FHIT: variants seen among roughly 807,000 people sequenced by gnomAD.
FHIT encodes bis(5'-adenosyl)-triphosphatase.
In FHIT, 19 loss-of-function variants were observed where a neutral mutation model predicts 17.9. The ratio of observed to expected loss-of-function variants is 1.06; its 90% CI spans 0.74 to 1.56. The LOEUF (loss-of-function observed/expected upper bound fraction) is 1.56, where lower values mean the gene tolerates loss of function less well. Among genes scored for constraint, FHIT ranks in the 40% most tolerant of loss-of-function variants. FHIT has a pLI of 0.00. For synonymous variants in FHIT, 81 were observed against 69.7 expected (o/e 1.16, Z -0.81); for missense variants, 248 against 189.2 (o/e 1.31, Z -1.82).
At chr3:60,484,229 G>C (rs1020485924) in intron 5 of FHIT, among the ~76,000 whole-genome samples, 2 of 152,164 alleles carry the variant, frequency 1.3e-5, no homozygotes, top group Admixed American at 1.3e-4. Flanking sequence ...TCAGTATCAT[G>C]AAAATGGCCA....
chr3:60,833,035 C>T (rs1020072423), intron 3 of FHIT, among the ~76,000 whole-genome samples: 1 of 152,188 alleles, frequency 6.6e-6, no homozygotes, highest in Non-Finnish European at 1.5e-5. Flanking sequence ...ATTTATAGGT[C>T]TCTTTCCTTG....
At chr3:61,096,969 C>T (rs572072219) in intron 2 of FHIT, among the ~76,000 whole-genome samples, 3 of 151,378 alleles carry the variant, frequency 2.0e-5, no homozygotes, top group East Asian at 2.0e-4. Flanking sequence ...CAGCCAGCTA[C>T]GCCGAAGGCT....
chr3:60,503,852 G>A (rs1366828999), intron 5 of FHIT, among the ~76,000 whole-genome samples: 1 of 152,100 alleles, frequency 6.6e-6, no homozygotes, highest in Non-Finnish European at 1.5e-5. Context: ...TTATCTCTGG[G>A]CAGTAGGATT....
chr3:60,700,104 C>A (rs2041209246), intron 4 of FHIT, among the ~76,000 whole-genome samples: 1 of 144,564 alleles, frequency 6.9e-6, no homozygotes, highest in African/African-American at 2.6e-5. Context: ...GCACTCCAGC[C>A]TGGGCAGCAG....
intron 5 of FHIT, among the ~76,000 whole-genome samples, chr3:60,409,878 T>C (rs1358114008): frequency 1.3e-5 from 2 of 152,178 alleles, no homozygotes; most frequent in Non-Finnish European, 2.9e-5. Context: ...ATGAGGAATA[T>C]TTGCTATGGC....
At chr3:59,876,409 C>T (rs1703161216) in intron 8 of FHIT, among the ~76,000 whole-genome samples, 1 of 151,022 alleles carries the variant, frequency 6.6e-6, no homozygotes, top group Admixed American at 6.6e-5. Context: ...AAGTATTTGG[C>T]TTCTGGGGCC....
At chr3:60,130,992 C>T (rs527746311) in intron 5 of FHIT, among the ~76,000 whole-genome samples, 1 of 128,840 alleles carries the variant, frequency 7.8e-6, no homozygotes, top group Non-Finnish European at 1.6e-5. Flanking sequence ...CACATATATA[C>T]ACATATATAC....
intron 5 of FHIT, among the ~76,000 whole-genome samples, chr3:60,120,019 T>C (rs1705174670): frequency 6.6e-6 from 1 of 152,162 alleles, no homozygotes; most frequent in Non-Finnish European, 1.5e-5. Context: ...ATCAGCCTAA[T>C]CAACATTCCT....
intron 4 of FHIT, among the ~76,000 whole-genome samples, chr3:60,740,205 C>T (rs2042214079): frequency 6.6e-6 from 1 of 152,148 alleles, no homozygotes; most frequent in African/African-American, 2.4e-5. Flanking sequence ...GTCTCAGACT[C>T]AAAGGACAAT....
At chr3:60,775,264 A>T (rs573897015) in intron 4 of FHIT, among the ~76,000 whole-genome samples, 2 of 152,302 alleles carry the variant, frequency 1.3e-5, no homozygotes, top group African/African-American at 4.8e-5. Flanking sequence ...GTAAAAATTG[A>T]AGGAGCAGGG....
At chr3:61,111,996 A>G (rs1017412621) in intron 2 of FHIT, among the ~76,000 whole-genome samples, 12 of 152,150 alleles carry the variant, frequency 7.9e-5, no homozygotes, top group Admixed American at 3.3e-4. Flanking sequence ...TCAGTTTTTC[A>G]ACAGCCTTTG....
intron 5 of FHIT, among the ~76,000 whole-genome samples, chr3:60,056,393 C>T (rs1702083067): frequency 6.6e-6 from 1 of 152,150 alleles, no homozygotes; most frequent in South Asian, 2.1e-4. Flanking sequence ...GAATAAAATG[C>T]TCCTTTTGTT....
intron 5 of FHIT, among the ~76,000 whole-genome samples, chr3:60,036,744 A>G (rs212062): frequency 0.056 from 8,553 of 152,202 alleles, 307 homozygotes; most frequent in South Asian, 0.096. Flanking sequence ...ATAGAACAGA[A>G]GTAACTGCCC....
chr3:61,166,381 T>C (rs1309369981), intron 2 of FHIT, among the ~76,000 whole-genome samples: 1 of 152,178 alleles, frequency 6.6e-6, no homozygotes, highest in Non-Finnish European at 1.5e-5. Context: ...ATACTTCTGT[T>C]TTCATTATAC....
At chr3:60,828,034 C>T (rs116813253) in intron 3 of FHIT, among the ~76,000 whole-genome samples, 4,172 of 152,220 alleles carry the variant, frequency 0.027, 171 homozygotes, top group African/African-American at 0.094. Flanking sequence ...GAATCCTGGG[C>T]TCTACCAACC....
chr3:60,028,368 G>A (rs1184227693), intron 5 of FHIT, among the ~76,000 whole-genome samples: 1 of 152,174 alleles, frequency 6.6e-6, no homozygotes, highest in Admixed American at 6.5e-5. Context: ...TAAAGTACAA[G>A]CTCCACTACT....
chr3:60,675,538 A>G (rs1403728634), intron 4 of FHIT, among the ~76,000 whole-genome samples: 2 of 152,236 alleles, frequency 1.3e-5, no homozygotes, highest in Admixed American at 6.5e-5. Flanking sequence ...TAGAGATTAC[A>G]TGAAAATTGT....
chr3:59,848,822 C>A (rs2106781802), intron 8 of FHIT, among the ~76,000 whole-genome samples: 1 of 152,250 alleles, frequency 6.6e-6, no homozygotes, highest in Non-Finnish European at 1.5e-5. Context: ...CCTTCAATGC[C>A]CAGTAACAAT....
intron 4 of FHIT, among the ~76,000 whole-genome samples, chr3:60,649,856 G>C (rs969696497): frequency 6.6e-6 from 1 of 152,110 alleles, no homozygotes; most frequent in African/African-American, 2.4e-5. Flanking sequence ...AGGATAGCAG[G>C]GTAGCAGCAG....
Sources: gnomAD v4.1 joint callset for allele counts (sites outside exome capture counted in the v4.1 genomes callset) on GRCh38, gnomAD v4.1.1 for gene constraint, MANE v1.5 for transcripts, NCBI Gene and HGNC (gene_info 2026-07-23, HGNC 2026-07-21) for gene names.